The following ERICH6 variants were observed in gnomAD, a reference collection of about 807,000 sequenced individuals.
ERICH6 encodes the protein glutamate-rich protein 6.
A neutral mutation model predicts 71.0 loss-of-function variants in ERICH6; 71 were observed. The observed-to-expected ratio is 1.00, with a 90% CI of 0.83 to 1.22. The LOEUF is 1.22. Ranked by LOEUF, ERICH6 falls within the 50% of genes most tolerant of loss-of-function variation. The probability of loss-of-function intolerance (pLI) is 0.00; values close to 1 mark genes in which losing one functional copy is unlikely to be tolerated. For missense variants in ERICH6, 808 were observed against 797.2 expected, an observed-to-expected ratio of 1.01 and a Z score of -0.16; for synonymous variants, 262 against 278.4, an observed-to-expected ratio of 0.94 and a Z score of 0.59.
In ERICH6 at chr3:150,703,721, A is replaced by ACTCCTCCTCCACCACCTCCTC; in HGVS notation, c.157_177dup (p.Glu53_Glu59dup). ...TCCAACTCCTGCTCTTCCCCCACCA[A>ACTCCTCCTCCACCACCTCCTC]CTCCTCCTCCACCACCTCCTCCTCC... is the stretch of plus-strand genomic sequence containing the variant. On this transcript the variant is annotated inframe_insertion, in exon 1 of 14. Transcript: ENST00000295910. 6.8e-7 allele frequency: 1 copy of ACTCCTCCTCCACCACCTCCTC among 1,460,626 alleles called. No individual in the cohort carries two copies. Among genetic ancestry groups the ACTCCTCCTCCACCACCTCCTC allele is most frequent in the Non-Finnish European group, 9.0e-7 (1 of 1,106,654 alleles). 90.5% of individuals were successfully genotyped at this position (1,460,626 alleles called of 1,614,324 possible).
chr3:150,688,794 C>T (rs946846269), intron 3 of ERICH6, among the ~76,000 whole-genome samples: 6 of 152,316 alleles, frequency 3.9e-5, no homozygotes, highest in African/African-American at 9.6e-5. Flanking sequence ...CCTTTCCAGA[C>T]GAAACCAATA....
chr3:150,693,505 T>C (rs1712531006), intron 3 of ERICH6, among the ~76,000 whole-genome samples: 1 of 152,316 alleles, frequency 6.6e-6, no homozygotes, highest in South Asian at 2.1e-4. Context: ...ACCCAACTCA[T>C]AGGTATTTGA....
Position 150,670,414 on chromosome 3 carries a change from G to A in ERICH6, c.1344-963C>T, listed in dbSNP as rs371738762. Among the ~76,000 whole-genome samples, 115 of 151,116 alleles carry A rather than the reference G, an allele frequency of 7.6e-4. 3 individuals are homozygous for A. Among genetic ancestry groups the A allele is most frequent in the East Asian group, 3.3e-3 (17 of 5,136 alleles). ...GGAGAATTGCTTGAACCTGGGAGGC[G>A]GAGGTTGCAGTGAGCCAAGATCGTG... is the stretch of plus-strand genomic sequence containing the variant. On this transcript the variant is annotated intron_variant, in intron 11 of 13. Transcript: ENST00000295910.
chr3:150,698,995 T>C (rs1712759420), intron 2 of ERICH6, 113 bp from the exon 3 acceptor site: 6 of 695,432 alleles, frequency 8.6e-6, no homozygotes, highest in Non-Finnish European at 1.5e-5. Flanking sequence ...TATTTTGTTT[T>C]CTTTGAAATA....
intron 2 of ERICH6, among the ~76,000 whole-genome samples, chr3:150,700,395 C>G (rs1712827222): frequency 6.6e-6 from 1 of 151,298 alleles, no homozygotes; most frequent in Non-Finnish European, 1.5e-5. Flanking sequence ...TCAAAGCAGG[C>G]AAGAACTCAG....
chr3:150,668,249 A>G (rs116079255), intron 12 of ERICH6, among the ~76,000 whole-genome samples: 1,731 of 152,282 alleles, frequency 0.011, 30 homozygotes, highest in African/African-American at 0.04. Context: ...GTAGTAGCAA[A>G]GATTCAGGAT....
At chr3:150,683,163 G>A (rs1712038590) in intron 6 of ERICH6, among the ~76,000 whole-genome samples, 1 of 152,192 alleles carries the variant, frequency 6.6e-6, no homozygotes, top group Admixed American at 6.5e-5. Flanking sequence ...AGTGACTAAG[G>A]TGGCCAGTGC....
rs778631026 is a variant in ERICH6 at position 150,680,742 on chromosome 3, A to G, written c.1040+31T>C. 2.5e-6 allele frequency: 4 copies of G among 1,583,522 alleles called. No homozygotes were observed. The South Asian group carries it at 3.5e-5, about 14-fold the overall frequency. On this transcript the variant is annotated intron_variant, in intron 8 of 13. Transcript: ENST00000295910. ...ACGAGCTCCGATTAAGCCGGCCTGT[A>G]TGAGTTTCAGTATCGAAGTCTCAAT...
At chr3:150,688,742 C>T (rs181138807) in intron 3 of ERICH6, among the ~76,000 whole-genome samples, 12 of 152,358 alleles carry the variant, frequency 7.9e-5, no homozygotes, top group African/African-American at 1.9e-4. Flanking sequence ...GACCTGGGAG[C>T]CCCCTCCCGG....
intron 3 of ERICH6, among the ~76,000 whole-genome samples, chr3:150,688,509 C>T (rs969805362): frequency 3.9e-5 from 6 of 152,100 alleles, no homozygotes; most frequent in African/African-American, 1.4e-4. Flanking sequence ...TAACAAAATG[C>T]CTTAAACTGG....
chr3:150,700,241 A>ATTTTTTTTTTTTTTTTTTTTT (rs34624356), intron 2 of ERICH6, among the ~76,000 whole-genome samples: 1 of 110,970 alleles, frequency 9.0e-6, no homozygotes, highest in African/African-American at 3.7e-5. Flanking sequence ...TGCCCGGCTA[A>ATTTTTTTTTTTTTTTTTTTTT]TTTTTTTTTT....
chr3:150,703,367 G>A (rs1705112177), intron 1 of ERICH6, 129 bp downstream of exon 1: 2 of 1,430,070 alleles, frequency 1.4e-6, no homozygotes, highest in South Asian at 1.5e-5. Context: ...TTAGGTGTGT[G>A]GAATGGTGCA....
At chr3:150,665,844 A>G (rs1432708557) in intron 13 of ERICH6, among the ~76,000 whole-genome samples, 1 of 151,982 alleles carries the variant, frequency 6.6e-6, no homozygotes, top group Non-Finnish European at 1.5e-5. Flanking sequence ...AAAAAAAAAA[A>G]AAAATCAATG....
chr3:150,680,689 T>A, intron 8 of ERICH6, 84 bp downstream of exon 8: 1 of 1,554,204 alleles, frequency 6.4e-7, no homozygotes, highest in Non-Finnish European at 8.7e-7. Flanking sequence ...AAGTTATATA[T>A]CTTGAAAAAA....
intron 11 of ERICH6, among the ~76,000 whole-genome samples, chr3:150,670,251 G>A (rs758855724): frequency 1.4e-4 from 22 of 152,160 alleles, no homozygotes; most frequent in Non-Finnish European, 2.8e-4. Context: ...TGGGGAGGCT[G>A]AGGCGGGTGG....
Position 150,691,607 on chromosome 3 carries a change from C to A in ERICH6, c.554-5253G>T, listed in dbSNP as rs570720808. Among the ~76,000 whole-genome samples, 4 of 152,068 alleles carry A rather than the reference C, an allele frequency of 2.6e-5. No homozygotes were observed. The East Asian group carries it at 7.7e-4, about 29-fold the overall frequency. ...GACAAACCAGAAAGTCCAATCATGT[C>A]ATGAATGGTCTGTGTAAGTCACAAT... On this transcript the variant is annotated intron_variant, in intron 3 of 13. Transcript: ENST00000295910.
intron 3 of ERICH6, among the ~76,000 whole-genome samples, chr3:150,698,485 AT>A (rs1712737057): frequency 6.6e-6 from 1 of 152,254 alleles, no homozygotes; most frequent in African/African-American, 2.4e-5. Context: ...TAATAAAAAA[AT>A]AAAGATATGT....
chr3:150,696,477 C>G (rs193045260), intron 3 of ERICH6, among the ~76,000 whole-genome samples: 1 of 152,068 alleles, frequency 6.6e-6, no homozygotes, highest in East Asian at 1.9e-4. Context: ...AAAATGACCA[C>G]AAGCAAATGT....
chr3:150,680,275 C>T (rs1405567263), intron 9 of ERICH6, among the ~76,000 whole-genome samples, 193 bp downstream of exon 9: 1 of 152,146 alleles, frequency 6.6e-6, no homozygotes, highest in African/African-American at 2.4e-5. Flanking sequence ...ACTATGTTAC[C>T]CAGACTGGTC....
Sources: allele counts gnomAD v4.1 joint callset (sites outside exome capture counted in the v4.1 genomes callset), GRCh38; gene constraint gnomAD v4.1.1; transcripts MANE v1.5; gene names NCBI Gene and HGNC (gene_info 2026-07-23, HGNC 2026-07-21).